The following SH3PXD2A variants were observed in gnomAD, a reference collection of about 807,000 sequenced individuals.
The protein encoded by SH3PXD2A is SH3 and PX domains 2A.
SH3PXD2A carries 32 observed loss-of-function variants against 115.2 expected under a neutral mutation model. The observed-to-expected ratio is 0.28, with a 90% confidence interval of 0.21 to 0.37. The LOEUF (loss-of-function observed/expected upper bound fraction) is 0.37. SH3PXD2A is among the 10% of genes least tolerant of loss of function. The probability of loss-of-function intolerance (pLI) is 1.00; values close to 1 mark genes in which losing one functional copy is unlikely to be tolerated. For missense variants in SH3PXD2A, 1,328 were observed against 1,498.7 expected, an observed-to-expected ratio of 0.89 and a Z score of 1.88; for synonymous variants, 610 against 629.1, an observed-to-expected ratio of 0.97 and a Z score of 0.45.
chr10:103,700,266 C>T (rs1248740616), intron 5 of SH3PXD2A, among the ~76,000 whole-genome samples: 9 of 152,208 alleles, frequency 5.9e-5, no homozygotes, highest in South Asian at 2.1e-4. Context: ...TCTGTACCTT[C>T]GGTTGTAAAA....
chr10:103,714,492 C>A (rs1330352591), intron 5 of SH3PXD2A, among the ~76,000 whole-genome samples: 3 of 152,234 alleles, frequency 2.0e-5, no homozygotes, highest in Non-Finnish European at 4.4e-5. Flanking sequence ...GTGTTTGAAT[C>A]TGCTTCCCTC....
intron 8 of SH3PXD2A, among the ~76,000 whole-genome samples, chr10:103,630,792 G>C (rs968323376): frequency 1.7e-4 from 25 of 147,602 alleles, no homozygotes; most frequent in African/African-American, 6.2e-4. Flanking sequence ...GAGATGGAAA[G>C]TGACTCAGTC....
chr10:103,813,383 C>G (rs1454279058), intron 1 of SH3PXD2A, among the ~76,000 whole-genome samples: 1 of 152,140 alleles, frequency 6.6e-6, no homozygotes, highest in African/African-American at 2.4e-5. Context: ...GTGGCACAAT[C>G]ATAGCTCAAT....
At chr10:103,709,806 A>G (rs898278790) in intron 5 of SH3PXD2A, among the ~76,000 whole-genome samples, 2 of 152,188 alleles carry the variant, frequency 1.3e-5, no homozygotes, top group African/African-American at 4.8e-5. Context: ...AAAATTAGAG[A>G]ATTAAAACAT....
At chr10:103,743,031 TTCCTACTCCCACAGCTC>T (rs2038461470) in intron 3 of SH3PXD2A, among the ~76,000 whole-genome samples, 1 of 151,988 alleles carries the variant, frequency 6.6e-6, no homozygotes, top group African/African-American at 2.4e-5. Flanking sequence ...GAAGTTAAGT[TTCCTACTCCCACAGCTC>T]TCTGTGGTCC....
intron 7 of SH3PXD2A, chr10:103,661,730 C>T (rs2037307653): frequency 2.0e-6 from 2 of 985,288 alleles, no homozygotes; most frequent in Non-Finnish European, 2.4e-6. Context: ...GGCGAGGAGT[C>T]AAGAGGGTTT....
chr10:103,784,157 A>T lies in SH3PXD2A; in HGVS notation c.154-16988T>A, dbSNP rs962111192. Among the ~76,000 whole-genome samples the T allele has an allele frequency of 1.3e-5, 2 of 152,222 alleles. No homozygotes were observed. Among genetic ancestry groups the T allele is most frequent in the African/African-American group, 4.8e-5 (2 of 41,464 alleles). ...TGCAGGAGGAGGAGGAAGTGCAGGG[A>T]GAGAAGATGCTGGCTGCTCGGGGGT... On this transcript the variant is annotated intron_variant, in intron 2 of 14. Coordinates refer to ENST00000369774, the MANE Select transcript of SH3PXD2A (RefSeq NM_001394015.1). The surrounding 1 kb of genome is among the most constrained non-coding windows in gnomAD (Gnocchi z 4.4).
At chr10:103,765,400 A>G (rs1417463291) in intron 3 of SH3PXD2A, among the ~76,000 whole-genome samples, 2 of 152,184 alleles carry the variant, frequency 1.3e-5, no homozygotes, top group East Asian at 3.9e-4. Flanking sequence ...GTACAGTCAC[A>G]TCCTGCCTTA....
At chr10:103,604,615 C>G (rs1379968279) in intron 14 of SH3PXD2A, among the ~76,000 whole-genome samples, 1 of 152,188 alleles carries the variant, frequency 6.6e-6, no homozygotes, top group Non-Finnish European at 1.5e-5. Context: ...AGCGTGAAAA[C>G]ACTGGCACTA....
intron 6 of SH3PXD2A, among the ~76,000 whole-genome samples, chr10:103,684,643 G>A (rs925227015): frequency 2.6e-5 from 4 of 152,036 alleles, no homozygotes; most frequent in Non-Finnish European, 4.4e-5. Flanking sequence ...GAGCCACCAC[G>A]CCCGGCCATA....
intron 7 of SH3PXD2A, among the ~76,000 whole-genome samples, chr10:103,664,295 G>A (rs1049691561): frequency 6.6e-6 from 1 of 152,228 alleles, no homozygotes; most frequent in East Asian, 1.9e-4. Context: ...TAGAGAGCCC[G>A]CAAGGCCTGA....
chr10:103,737,414 A>G (rs2038392515), intron 3 of SH3PXD2A, among the ~76,000 whole-genome samples: 1 of 152,196 alleles, frequency 6.6e-6, no homozygotes, highest in African/African-American at 2.4e-5. Context: ...CAGAAAAGCC[A>G]TTGCCTTGAT....
intron 9 of SH3PXD2A, among the ~76,000 whole-genome samples, chr10:103,626,811 A>G (rs6584564): frequency 0.72 from 107,561 of 148,620 alleles, 39,964 homozygotes; most frequent in East Asian, 0.93. Flanking sequence ...GGGTGGGTGG[A>G]AAAACAAACC....
At chr10:103,622,628 GAT>G in intron 9 of SH3PXD2A, 75 bp from the exon 10 acceptor site, 4 of 609,540 alleles carry the variant, frequency 6.6e-6, no homozygotes, top group African/African-American at 1.9e-5. Context: ...GATGAGATGG[GAT>G]GGGGGTGGGA....
At chr10:103,768,981 T>C (rs1454783906) in intron 2 of SH3PXD2A, among the ~76,000 whole-genome samples, 2 of 151,930 alleles carry the variant, frequency 1.3e-5, no homozygotes, top group East Asian at 3.9e-4. Context: ...TCTCACTCAT[T>C]ACTATGAGAA....
At chr10:103,734,304 G>A (rs17115865) in intron 4 of SH3PXD2A, among the ~76,000 whole-genome samples, 4,740 of 152,218 alleles carry the variant, frequency 0.031, 230 homozygotes, top group African/African-American at 0.1. Context: ...ATTTAACTAC[G>A]AAATTCTAGC....
chr10:103,763,583 C>T (rs2038722985), intron 3 of SH3PXD2A, among the ~76,000 whole-genome samples: 1 of 152,210 alleles, frequency 6.6e-6, no homozygotes, highest in African/African-American at 2.4e-5. Flanking sequence ...TCCCTTCAGA[C>T]ACCCTCCCTA....
intron 6 of SH3PXD2A, 97 bp from the exon 7 acceptor site, chr10:103,668,749 G>T (rs1290272948): frequency 1.4e-5 from 15 of 1,089,402 alleles, no homozygotes; most frequent in Non-Finnish European, 1.9e-5. Flanking sequence ...GGCTGCAGGC[G>T]CCGCGCTCGG....
At chr10:103,672,195 G>A (rs1367142676) in intron 6 of SH3PXD2A, among the ~76,000 whole-genome samples, 1 of 152,246 alleles carries the variant, frequency 6.6e-6, no homozygotes, top group East Asian at 1.9e-4. Flanking sequence ...TGAGGCATGA[G>A]AATCGCTTTA....
Sources: gnomAD v4.1 joint callset for allele counts (sites outside exome capture counted in the v4.1 genomes callset) on GRCh38, gnomAD v4.1.1 for gene constraint, Gnocchi (gnomAD v3.1) non-coding constraint, MANE v1.5 for transcripts, NCBI Gene and HGNC (gene_info 2026-07-23, HGNC 2026-07-21) for gene names.